The following UBASH3B variants were observed in gnomAD, a reference collection of about 807,000 sequenced individuals.
The protein encoded by UBASH3B is ubiquitin associated and SH3 domain containing B.
UBASH3B carries 37 observed loss-of-function variants against 83.4 expected under a neutral mutation model. That is an observed-to-expected ratio of 0.44 (90% CI 0.34 to 0.58). The LOEUF is 0.58. Ranked by LOEUF, UBASH3B falls within the 20% of genes least tolerant of loss-of-function variation. The pLI is 0.01. For synonymous variants in UBASH3B, 304 were observed against 318.3 expected (o/e 0.96, Z 0.48); for missense variants, 657 against 827.2 (o/e 0.79, Z 2.52).
intron 1 of UBASH3B, among the ~76,000 whole-genome samples, chr11:122,727,292 G>A (rs893221866): frequency 3.3e-5 from 5 of 149,566 alleles, no homozygotes; most frequent in African/African-American, 7.6e-5. Context: ...AAATCATAGC[G>A]CAGCAGCGAG....
At chr11:122,664,984 C>G (rs931480495) in intron 1 of UBASH3B, among the ~76,000 whole-genome samples, 1 of 152,200 alleles carries the variant, frequency 6.6e-6, no homozygotes. Flanking sequence ...TCTCAGCTCA[C>G]TGCAAGCTCC....
At chr11:122,762,657 T>G (rs772940075) in intron 1 of UBASH3B, among the ~76,000 whole-genome samples, 1 of 152,244 alleles carries the variant, frequency 6.6e-6, no homozygotes, top group Non-Finnish European at 1.5e-5. Context: ...AGTAGACTCC[T>G]GCCACCGTCA....
intron 13 of UBASH3B, among the ~76,000 whole-genome samples, chr11:122,809,314 A>T (rs1378180005): frequency 6.6e-6 from 1 of 152,080 alleles, no homozygotes; most frequent in African/African-American, 2.4e-5. Flanking sequence ...ACCTCAAGTG[A>T]CCCGCCCGCC....
chr11:122,770,877 C>T (rs563902529), intron 1 of UBASH3B, among the ~76,000 whole-genome samples: 13 of 152,208 alleles, frequency 8.5e-5, no homozygotes, highest in Non-Finnish European at 1.8e-4. Flanking sequence ...TGTGTTCTTC[C>T]CACCTATTGT....
rs575584418 is a variant in UBASH3B at position 122,759,573 on chromosome 11, G to T, written c.162-16646G>T. Reference sequence around the variant, plus strand: ...TCCTGAAACTAGGTGGGACCGTCTAGTTGGAGACCCCTGACTTAGTTGGGA... The same window carrying T: ...TCCTGAAACTAGGTGGGACCGTCTATTTGGAGACCCCTGACTTAGTTGGGA... On this transcript the variant is annotated intron_variant, in intron 1 of 13. Transcript: ENST00000284273. The surrounding 1 kb of genome is among the most constrained non-coding windows in gnomAD (Gnocchi z 4.1). Among the ~76,000 whole-genome samples, 3 of 152,322 alleles carry T rather than the reference G, an allele frequency of 2.0e-5. No homozygotes were observed. In the South Asian group the frequency reaches 6.2e-4, roughly 32 times the overall value.
At chr11:122,797,423 G>C (rs1055259055) in intron 9 of UBASH3B, among the ~76,000 whole-genome samples, 2 of 152,324 alleles carry the variant, frequency 1.3e-5, no homozygotes, top group Non-Finnish European at 2.9e-5. Context: ...CTGATCCTTT[G>C]AAGATGCCTA....
chr11:122,734,373 A>ACC, intron 1 of UBASH3B, among the ~76,000 whole-genome samples: 3 of 152,296 alleles, frequency 2.0e-5, no homozygotes, highest in Admixed American at 2.0e-4. Flanking sequence ...GCAGACGGGG[A>ACC]TTCCCAAGGA....
At position 122,774,241 on chromosome 11, in the gene UBASH3B, C is replaced by T. The variant is rs1466389538; in HGVS notation, c.162-1978C>T. 10 of 985,390 alleles carry T rather than the reference C, an allele frequency of 1.0e-5. No homozygotes were observed. The East Asian group carries it at 6.8e-4, about 67-fold the overall frequency. 61.0% of individuals were successfully genotyped at this position (985,390 alleles called of 1,614,324 possible). ...AAGCGGAGCAGAGGGGTCTGTCTTG[C>T]TTCTCCGTAACTTCATCAACCTGTA... is the stretch of plus-strand genomic sequence containing the variant. On this transcript the variant is annotated intron_variant, in intron 1 of 13. Coordinates refer to ENST00000284273, the MANE Select transcript of UBASH3B (RefSeq NM_032873.5).
intron 1 of UBASH3B, among the ~76,000 whole-genome samples, chr11:122,770,827 C>T (rs1481142010): frequency 6.6e-6 from 1 of 152,196 alleles, no homozygotes; most frequent in Non-Finnish European, 1.5e-5. Flanking sequence ...AACATCATTG[C>T]CAATATCCTC....
chr11:122,798,968 A>G lies in UBASH3B; in HGVS notation c.1384A>G (p.Ile462Val). The change falls in exon 10 of 14, where the codon ATT becomes GTT. Residue 462 changes from isoleucine (I) to valine (V), a missense_variant. This residue lies in a region of UBASH3B where 573 missense variants were observed against 739.0 expected (regional missense o/e 0.78). Transcript: ENST00000284273. ...VGEALLESNT[I>V]IDHVYCSPSL... Reference sequence around the variant, plus strand: ...TGAAGCCTTATTAGAGAGCAATACCATTATCGATCATGTCTATTGCTCCCC... The same window carrying G: ...TGAAGCCTTATTAGAGAGCAATACCGTTATCGATCATGTCTATTGCTCCCC... 4 of 1,613,992 alleles carry G rather than the reference A, an allele frequency of 2.5e-6. No homozygotes were observed. Among genetic ancestry groups the G allele is most frequent in the South Asian group, 2.2e-5 (2 of 91,078 alleles).
In UBASH3B at chr11:122,794,793, G is replaced by A. The variant is rs775123851; in HGVS notation, c.1072G>A (p.Gly358Arg). ...GCGGCCTTATGAGGACCAGGGGCTC[G>A]GGGAGACGACTCCTCTTACTATCAT... ...ERRPYEDQGL[G>R]ETTPLTIICQ... Residue 358 changes from glycine (G) to arginine (R), a missense_variant, in exon 7 of 14, where the codon GGG (glycine) becomes AGG (arginine). By Grantham distance (125) the Gly-to-Arg change is moderately radical. This residue lies in a region of UBASH3B where 573 missense variants were observed against 739.0 expected (regional missense o/e 0.78). Coordinates refer to ENST00000284273, the MANE Select transcript of UBASH3B (RefSeq NM_032873.5). The A allele has an allele frequency of 3.2e-5, 51 of 1,613,916 alleles. No homozygotes were observed. Among genetic ancestry groups the A allele is most frequent in the South Asian group, 7.7e-5 (7 of 91,072 alleles).
intron 1 of UBASH3B, chr11:122,727,700 C>G (rs796633002): frequency 1.6e-4 from 24 of 152,348 alleles, no homozygotes; most frequent in African/African-American, 5.8e-4. Flanking sequence ...TTTCTTGAGG[C>G]AGTGTGTTTA....
intron 1 of UBASH3B, among the ~76,000 whole-genome samples, chr11:122,756,593 G>T (rs1861286137): frequency 6.6e-6 from 1 of 152,192 alleles, no homozygotes; most frequent in South Asian, 2.1e-4. Flanking sequence ...TGGTGCCCCA[G>T]TGTGGAGGGC....
chr11:122,791,447 T>C (rs967008796), intron 6 of UBASH3B, among the ~76,000 whole-genome samples: 7 of 152,220 alleles, frequency 4.6e-5, no homozygotes, highest in African/African-American at 1.7e-4. Context: ...TGTATAGCGG[T>C]GACTATAAAA....
intron 5 of UBASH3B, among the ~76,000 whole-genome samples, chr11:122,788,572 A>G (rs1860996187): frequency 6.6e-6 from 1 of 151,958 alleles, no homozygotes; most frequent in African/African-American, 2.4e-5. Context: ...TCTATCTCAA[A>G]ATAATAATAA....
At chr11:122,782,185 G>A (rs944835702) in intron 4 of UBASH3B, among the ~76,000 whole-genome samples, 10 of 151,048 alleles carry the variant, frequency 6.6e-5, no homozygotes, top group African/African-American at 2.4e-4. Context: ...AGGCTGTGGT[G>A]AGCTATGATC....
intron 6 of UBASH3B, among the ~76,000 whole-genome samples, chr11:122,790,111 T>C (rs2135162925): frequency 6.6e-6 from 1 of 152,360 alleles, no homozygotes; most frequent in Admixed American, 6.5e-5. Context: ...GTTTTTGTCA[T>C]GTGGCAACAT....
chr11:122,799,944 G>C (rs1458693375), intron 10 of UBASH3B, among the ~76,000 whole-genome samples: 1 of 152,186 alleles, frequency 6.6e-6, no homozygotes, highest in Non-Finnish European at 1.5e-5. Flanking sequence ...CACTGCATCT[G>C]AGTCTTCTAT....
chr11:122,709,612 T>G (rs927609925), intron 1 of UBASH3B: 5 of 152,192 alleles, frequency 3.3e-5, no homozygotes, highest in South Asian at 4.1e-4. Context: ...ACCCAGCAGC[T>G]GCTGGTTAAC....
Sources: gnomAD v4.1 joint callset for allele counts (sites outside exome capture counted in the v4.1 genomes callset) on GRCh38, gnomAD v4.1.1 for gene constraint, gnomAD v4.1.1 regional missense constraint, Gnocchi (gnomAD v3.1) non-coding constraint, MANE v1.5 for transcripts, NCBI Gene and HGNC (gene_info 2026-07-23, HGNC 2026-07-21) for gene names.